The following POU6F2 variants were observed in gnomAD, a reference collection of about 807,000 sequenced individuals.
The protein encoded by POU6F2 is POU class 6 homeobox 2, also known as POU domain, class 6, transcription factor 2.
In POU6F2, 31 loss-of-function variants were observed where a neutral mutation model predicts 71.3. The observed-to-expected ratio is 0.43, with a 90% CI of 0.33 to 0.59. The LOEUF is 0.59. Among genes scored for constraint, POU6F2 ranks in the 20% least tolerant of loss-of-function variants. The probability of loss-of-function intolerance (pLI) is 0.04; values close to 1 mark genes in which losing one functional copy is unlikely to be tolerated. For synonymous variants in POU6F2, 347 were observed against 355.7 expected, an observed-to-expected ratio of 0.98 and a Z score of 0.27; for missense variants, 783 against 856.8, an observed-to-expected ratio of 0.91 and a Z score of 1.07.
At chr7:39,276,789 A>T (rs1784448347) in intron 4 of POU6F2, among the ~76,000 whole-genome samples, 1 of 151,856 alleles carries the variant, frequency 6.6e-6, no homozygotes, top group African/African-American at 2.4e-5. Context: ...ATTCTCAGTA[A>T]ACTATCGCAA....
chr7:39,302,401 G>A (rs1450234589), intron 4 of POU6F2, among the ~76,000 whole-genome samples: 1 of 152,116 alleles, frequency 6.6e-6, no homozygotes, highest in South Asian at 2.1e-4. Context: ...AAAATGTTTG[G>A]GTAAGAGTCA....
intron 1 of POU6F2, among the ~76,000 whole-genome samples, chr7:38,999,844 G>A (rs17195933): frequency 0.019 from 2,846 of 152,246 alleles, 35 homozygotes; most frequent in Admixed American, 0.029. Flanking sequence ...ATTTTGAAAA[G>A]GGGATCAATT....
At chr7:39,317,127 C>G (rs1297598289) in intron 4 of POU6F2, among the ~76,000 whole-genome samples, 2 of 152,196 alleles carry the variant, frequency 1.3e-5, no homozygotes, top group African/African-American at 4.8e-5. Flanking sequence ...CCACCCCCTC[C>G]GCAGTAAGTT....
At chr7:39,123,137 TC>T (rs1294499248) in intron 2 of POU6F2, among the ~76,000 whole-genome samples, 1 of 152,208 alleles carries the variant, frequency 6.6e-6, no homozygotes, top group African/African-American at 2.4e-5. Flanking sequence ...TGTGTGCAAA[TC>T]AGCTGTCATG....
At chr7:39,178,327 C>G (rs1404078032) in intron 2 of POU6F2, among the ~76,000 whole-genome samples, 1 of 152,064 alleles carries the variant, frequency 6.6e-6, no homozygotes. Flanking sequence ...CTCAATCTTC[C>G]CTGAATATCC....
At chr7:39,322,571 T>C (rs1438994040) in intron 4 of POU6F2, among the ~76,000 whole-genome samples, 2 of 152,258 alleles carry the variant, frequency 1.3e-5, no homozygotes, top group Non-Finnish European at 2.9e-5. Flanking sequence ...TCCAAGCTTG[T>C]CATTTCCTCT....
intron 2 of POU6F2, among the ~76,000 whole-genome samples, chr7:39,090,392 T>C (rs1296412126): frequency 6.6e-6 from 1 of 151,990 alleles, no homozygotes; most frequent in Non-Finnish European, 1.5e-5. Flanking sequence ...CTTGAGACAG[T>C]GGTCTCTGCA....
intron 4 of POU6F2, among the ~76,000 whole-genome samples, chr7:39,331,004 G>T (rs1583530098): frequency 6.6e-6 from 1 of 152,150 alleles, no homozygotes; most frequent in East Asian, 1.9e-4. Context: ...TTTTTTAGAT[G>T]CCACATATGA....
chr7:39,233,872 C>T (rs1291226715), intron 4 of POU6F2, among the ~76,000 whole-genome samples: 1 of 152,108 alleles, frequency 6.6e-6, no homozygotes, highest in Non-Finnish European at 1.5e-5. Context: ...TTGTGTTTTC[C>T]GGGCTTCTGG....
chr7:39,247,826 T>C (rs1783848119), intron 4 of POU6F2, among the ~76,000 whole-genome samples: 1 of 152,182 alleles, frequency 6.6e-6, no homozygotes, highest in Non-Finnish European at 1.5e-5. Flanking sequence ...TAACACAGTA[T>C]TCCAGGGCAG....
intron 2 of POU6F2, among the ~76,000 whole-genome samples, chr7:39,132,838 C>G (rs928396150): frequency 6.6e-6 from 1 of 152,010 alleles, no homozygotes; most frequent in Non-Finnish European, 1.5e-5. Flanking sequence ...CTTCACTTAC[C>G]GTACTTCACT....
At chr7:39,453,724 T>C (rs1366418782) in intron 8 of POU6F2, among the ~76,000 whole-genome samples, 7 of 152,186 alleles carry the variant, frequency 4.6e-5, no homozygotes, top group Non-Finnish European at 8.8e-5. Context: ...AGAACTTTCA[T>C]TGCACAGTAG....
chr7:39,198,100 A>G (rs1443084677), intron 2 of POU6F2, among the ~76,000 whole-genome samples: 1 of 152,218 alleles, frequency 6.6e-6, no homozygotes, highest in Non-Finnish European at 1.5e-5. Flanking sequence ...TTTACAGAAA[A>G]TGAGACCTTT....
At chr7:39,273,975 A>C (rs902903025) in intron 4 of POU6F2, among the ~76,000 whole-genome samples, 1 of 152,202 alleles carries the variant, frequency 6.6e-6, no homozygotes, top group African/African-American at 2.4e-5. Context: ...CTGCATGACT[A>C]TGGCAACTTT....
chr7:39,324,315 C>G (rs1785465645), intron 4 of POU6F2, among the ~76,000 whole-genome samples: 1 of 152,180 alleles, frequency 6.6e-6, no homozygotes, highest in African/African-American at 2.4e-5. Flanking sequence ...TTGGCACTTC[C>G]TGGTCTCCTT....
chr7:39,328,404 C>T (rs1785564359), intron 4 of POU6F2, among the ~76,000 whole-genome samples: 1 of 152,188 alleles, frequency 6.6e-6, no homozygotes, highest in African/African-American at 2.4e-5. Flanking sequence ...ATTTCTTAAT[C>T]TATCGGGAAC....
At chr7:39,299,924 T>C (rs1784923242) in intron 4 of POU6F2, among the ~76,000 whole-genome samples, 1 of 152,206 alleles carries the variant, frequency 6.6e-6, no homozygotes, top group Non-Finnish European at 1.5e-5. Context: ...ACAGCCACTG[T>C]TGTTTCATGC....
intron 7 of POU6F2, among the ~76,000 whole-genome samples, chr7:39,434,918 A>G (rs1788200193): frequency 6.6e-6 from 1 of 152,140 alleles, no homozygotes; most frequent in African/African-American, 2.4e-5. Context: ...TTTGCTGAGG[A>G]TGATGGCTTC....
intron 2 of POU6F2, among the ~76,000 whole-genome samples, chr7:39,092,236 G>T (rs1418543830): frequency 1.3e-5 from 2 of 152,144 alleles, no homozygotes; most frequent in Non-Finnish European, 2.9e-5. Context: ...ATATCCAAAG[G>T]CAGAGGTAGC....
Sources: allele counts gnomAD v4.1 joint callset (sites outside exome capture counted in the v4.1 genomes callset), GRCh38; gene constraint gnomAD v4.1.1; transcripts MANE v1.5; gene names NCBI Gene and HGNC (gene_info 2026-07-23, HGNC 2026-07-21).